The following SAP30BP variants were observed in gnomAD, a reference collection of about 807,000 sequenced individuals.
SAP30BP encodes SAP30-binding protein.
SAP30BP carries 31 observed loss-of-function variants against 46.3 expected under a neutral mutation model. That is an observed-to-expected ratio of 0.67 (90% confidence interval 0.50 to 0.90). The LOEUF is 0.90. SAP30BP is among the 40% of genes least tolerant of loss of function. The pLI, the probability that SAP30BP is intolerant of heterozygous loss-of-function variation, is 0.00. For missense variants in SAP30BP, 312 were observed against 391.0 expected (o/e 0.80, Z 1.70); for synonymous variants, 169 against 144.2 (o/e 1.17, Z -1.23).
chr17:75,680,566 T>C (rs1314940042), intron 3 of SAP30BP, among the ~76,000 whole-genome samples: 1 of 152,178 alleles, frequency 6.6e-6, no homozygotes, highest in Non-Finnish European at 1.5e-5. Flanking sequence ...CGTGAGAGAA[T>C]GTACATGAAG....
chr17:75,679,277 T>A (rs1220038091), intron 3 of SAP30BP, among the ~76,000 whole-genome samples: 1 of 152,146 alleles, frequency 6.6e-6, no homozygotes, highest in Non-Finnish European at 1.5e-5. Context: ...ATTACAGGTG[T>A]GAACCACCAT....
At chr17:75,676,230 C>A (rs969520978) in intron 3 of SAP30BP, among the ~76,000 whole-genome samples, 12 of 152,182 alleles carry the variant, frequency 7.9e-5, no homozygotes, top group African/African-American at 2.4e-4. Context: ...CTGTCTTGCC[C>A]TTTGAATGGA....
intron 3 of SAP30BP, among the ~76,000 whole-genome samples, chr17:75,673,385 C>T (rs1189198292): frequency 6.6e-6 from 1 of 152,196 alleles, no homozygotes; most frequent in Non-Finnish European, 1.5e-5. Context: ...TCTCCTCGGG[C>T]TTGCAGAACA....
chr17:75,670,317 A>G (rs1052492747), intron 2 of SAP30BP, among the ~76,000 whole-genome samples: 1 of 152,032 alleles, frequency 6.6e-6, no homozygotes, highest in East Asian at 1.9e-4. Flanking sequence ...GCCAGACTCC[A>G]TCTTAAAAAA....
intron 5 of SAP30BP, 164 bp downstream of exon 5, chr17:75,700,035 T>A: frequency 1.9e-6 from 1 of 529,190 alleles, no homozygotes; most frequent in Non-Finnish European, 3.4e-6. Context: ...TACCTCCTGT[T>A]AGCCTCATCT....
At chr17:75,672,254 C>T (rs2059918234) in intron 3 of SAP30BP, 1 of 216,178 alleles carries the variant, frequency 4.6e-6, no homozygotes, top group Admixed American at 5.0e-5. Context: ...CTTTAGTCAT[C>T]TAGAAGTGAA....
chr17:75,668,848 A>G (rs1413410470), intron 2 of SAP30BP, among the ~76,000 whole-genome samples: 1 of 152,196 alleles, frequency 6.6e-6, no homozygotes, highest in Non-Finnish European at 1.5e-5. Context: ...TTTGGGGGAA[A>G]AGATAGTGGA....
chr17:75,691,355 A>G, intron 3 of SAP30BP: 1 of 448,088 alleles, frequency 2.2e-6, no homozygotes, highest in Non-Finnish European at 4.5e-6. Context: ...GGGATAAAAT[A>G]CTTCCTGTGA....
intron 5 of SAP30BP, 106 bp downstream of exon 5, chr17:75,699,977 G>C (rs1051642136): frequency 2.7e-5 from 21 of 786,064 alleles, no homozygotes; most frequent in Non-Finnish European, 4.0e-5. Context: ...AGGGACTGAG[G>C]CTTCTATAAA....
chr17:75,699,978 C>T, intron 5 of SAP30BP, 107 bp downstream of exon 5: 8 of 779,038 alleles, frequency 1.0e-5, no homozygotes, highest in Non-Finnish European at 1.5e-5. Context: ...GGGACTGAGG[C>T]TTCTATAAAA....
chr17:75,705,759 C>T (rs931398147), intron 9 of SAP30BP: 14 of 1,096,438 alleles, frequency 1.3e-5, no homozygotes, highest in South Asian at 1.7e-5. Flanking sequence ...CGGGGGGTGC[C>T]GGGCATGTGC....
intron 9 of SAP30BP, chr17:75,705,747 G>A (rs2060486648): frequency 1.8e-6 from 2 of 1,135,680 alleles, no homozygotes; most frequent in African/African-American, 3.2e-5. Flanking sequence ...TGGGGCGGTG[G>A]GCGGGGGGTG....
At chr17:75,705,616 T>TTGCAGGGACGTGTC in intron 9 of SAP30BP, 1 of 1,046,778 alleles carries the variant, frequency 9.6e-7, no homozygotes, top group Non-Finnish European at 1.2e-6. Context: ...CCCAGGCTTG[T>TTGCAGGGACGTGTC]TGCAGGGACG....
intron 6 of SAP30BP, 72 bp downstream of exon 6, chr17:75,702,643 G>A (rs2060431382): frequency 1.4e-6 from 1 of 697,262 alleles, no homozygotes; most frequent in African/African-American, 1.8e-5. Flanking sequence ...CGTCCCCAAG[G>A]AGGTGGTGAG....
chr17:75,670,933 C>A (rs563368830), intron 2 of SAP30BP, among the ~76,000 whole-genome samples: 1 of 152,194 alleles, frequency 6.6e-6, no homozygotes, highest in Non-Finnish European at 1.5e-5. Flanking sequence ...TTAAAGGCTT[C>A]TGTGCATTGG....
chr17:75,681,413 C>G (rs964547999), intron 3 of SAP30BP, among the ~76,000 whole-genome samples: 3 of 152,176 alleles, frequency 2.0e-5, no homozygotes, highest in Admixed American at 6.5e-5. Flanking sequence ...TCCCAGTTGA[C>G]GGGAGTTACT....
At chr17:75,703,227 G>T (rs2060441044) in intron 6 of SAP30BP, 84 bp from the exon 7 acceptor site, 3 of 1,300,982 alleles carry the variant, frequency 2.3e-6, no homozygotes, top group East Asian at 2.3e-5. Context: ...TGAAGGTTTT[G>T]TGTCAGCCCC....
In SAP30BP at chr17:75,668,642, G is replaced by C. The variant is rs1054368607; in HGVS notation, c.216+17G>C. 1.4e-5 allele frequency: 21 copies of C among 1,483,718 alleles called. No homozygotes were observed. The highest frequency in any genetic ancestry group is 1.7e-5 in the Non-Finnish European group (18 of 1,070,752). 91.9% of individuals were successfully genotyped at this position (1,483,718 alleles called of 1,614,324 possible). A position where few individuals can be genotyped will look rare whatever the true frequency, so the allele number is the denominator to read the frequency against. On this transcript the variant is annotated intron_variant, in intron 2 of 10. Coordinates refer to ENST00000584667, the MANE Select transcript of SAP30BP (RefSeq NM_013260.8). ...AGACAGTCGGTAGGTAAATCTCCCAGATCCAGAGCTACTGAAAGCACAATT... is the reference window on the plus strand; with the variant it reads ...AGACAGTCGGTAGGTAAATCTCCCACATCCAGAGCTACTGAAAGCACAATT...
intron 3 of SAP30BP, among the ~76,000 whole-genome samples, chr17:75,687,702 C>T (rs1478283569): frequency 1.3e-5 from 2 of 152,096 alleles, no homozygotes; most frequent in African/African-American, 4.8e-5. Context: ...TTGGTGTCCC[C>T]TCCCCACCTT....
Sources: allele counts gnomAD v4.1 joint callset (sites outside exome capture counted in the v4.1 genomes callset), GRCh38; gene constraint gnomAD v4.1.1; transcripts MANE v1.5; gene names NCBI Gene and HGNC (gene_info 2026-07-23, HGNC 2026-07-21).